FGF13: variants seen among roughly 807,000 people sequenced by gnomAD.
FGF13 encodes fibroblast growth factor 13.
FGF13 carries 2 observed loss-of-function variants against 19.5 expected under a neutral mutation model. That is an observed-to-expected ratio of 0.10 (90% CI 0.04 to 0.32). The LOEUF (loss-of-function observed/expected upper bound fraction) is 0.32, where lower values mean the gene tolerates loss of function less well. Among genes scored for constraint, FGF13 ranks in the 10% least tolerant of loss-of-function variants. FGF13 has a pLI of 1.00. For missense variants in FGF13, 113 were observed against 192.7 expected (o/e 0.59, Z 2.45); for synonymous variants, 72 against 76.9 (o/e 0.94, Z 0.33).
intron 3 of FGF13, among the ~76,000 whole-genome samples, chrX:138,849,412 T>C (rs1387873514): frequency 2.7e-5 from 3 of 112,242 alleles, no homozygotes; most frequent in Non-Finnish European, 5.6e-5. Flanking sequence ...CTGATAACTA[T>C]GTAAGAATCT....
chrX:138,970,119 C>T (rs1021067339), intron 1 of FGF13, among the ~76,000 whole-genome samples: 11 of 111,504 alleles, frequency 9.9e-5, no homozygotes, highest in Admixed American at 4.8e-4. Flanking sequence ...ACATCCACCA[C>T]GCCTATTTAT....
rs151139579 is a variant in FGF13, at chrX:139,197,885, T to A, written c.-113+5531A>T. Among the ~76,000 whole-genome samples, 972 of 103,045 alleles carry A rather than the reference T, an allele frequency of 9.4e-3. 6 individuals are homozygous for A. The highest frequency in any genetic ancestry group is 0.016 in the South Asian group (36 of 2,213). The allele number at this position is 103,045 out of a possible 115,157, so 89.5% of individuals were successfully genotyped here. A position where few individuals can be genotyped will look rare whatever the true frequency, so the allele number is the denominator to read the frequency against. On this transcript the variant is annotated intron_variant, in intron 1 of 2. Coordinates refer to the FGF13 transcript ENST00000421460. The stretch of plus-strand genomic sequence containing the variant: ...GGCGTGTGCCTGTAATCCCAGCTAC[T>A]AGGAAGGCTGGGGCAGGAGAATCAC...
chrX:138,815,387 G>A (rs781458160), intron 3 of FGF13, among the ~76,000 whole-genome samples: 20 of 110,903 alleles, frequency 1.8e-4, no homozygotes, highest in South Asian at 3.8e-4. Context: ...TTAGCTTGAC[G>A]TAATCATTTC....
intron 1 of FGF13, among the ~76,000 whole-genome samples, chrX:139,049,227 A>AG (rs1250533618): frequency 1.4e-4 from 16 of 110,900 alleles, no homozygotes; most frequent in African/African-American, 4.9e-4. Context: ...GGGTAGTGGC[A>AG]GGGGGAGGTA....
At chrX:138,650,569 CACT>C (rs1166585104) in intron 3 of FGF13, among the ~76,000 whole-genome samples, 2 of 111,446 alleles carry the variant, frequency 1.8e-5, no homozygotes, top group South Asian at 7.6e-4. Context: ...ATAAACAATA[CACT>C]ACATTCTATG....
At chrX:138,703,809 G>A (rs1322712936) in intron 2 of FGF13, among the ~76,000 whole-genome samples, 6 of 112,160 alleles carry the variant, frequency 5.3e-5, no homozygotes, top group Non-Finnish European at 9.4e-5. Flanking sequence ...CCACCTCCTG[G>A]GTTCAAGTGA....
intron 1 of FGF13, among the ~76,000 whole-genome samples, chrX:139,191,303 G>A (rs184962790): frequency 8.9e-6 from 1 of 112,499 alleles, no homozygotes; most frequent in Non-Finnish European, 1.9e-5. Flanking sequence ...CTTGTTTGGA[G>A]ACAATGGCCT....
intron 1 of FGF13, among the ~76,000 whole-genome samples, chrX:138,737,796 G>A (rs768997998): frequency 1.8e-5 from 2 of 112,156 alleles, no homozygotes; most frequent in Non-Finnish European, 3.8e-5. Flanking sequence ...TGTATCCTGA[G>A]TAAAGAGGCA....
At chrX:138,734,113 T>C (rs922935401) in intron 1 of FGF13, among the ~76,000 whole-genome samples, 12 of 111,754 alleles carry the variant, frequency 1.1e-4, no homozygotes, top group African/African-American at 3.9e-4. Flanking sequence ...GCACAGTGCC[T>C]GGACTATTAT....
intron 3 of FGF13, among the ~76,000 whole-genome samples, chrX:138,765,929 G>A (rs745481417): frequency 3.6e-5 from 4 of 111,448 alleles, no homozygotes; most frequent in African/African-American, 1.3e-4. Context: ...TTCCTCTGCT[G>A]GGAGTGAAGC....
At position 138,874,155 on chromosome X, in the gene FGF13, A is replaced by AATAT. The variant is rs746792067; in HGVS notation, c.-112-9509_-112-9506dup. On this transcript the variant is annotated intron_variant, in intron 1 of 2. Coordinates refer to the FGF13 transcript ENST00000421460. ...ATACCCTAGAACTTAAAGTATAATA[A>AATAT]ATATATATATATATATATATAAAGT... Among the ~76,000 whole-genome samples the AATAT allele has an allele frequency of 3.7e-3, 359 of 98,140 alleles. 2 individuals carry two copies. The highest frequency in any genetic ancestry group is 0.011 in the African/African-American group (293 of 26,442). The allele number at this position is 98,140 out of a possible 115,157, so 85.2% of individuals were successfully genotyped here.
At chrX:138,820,042 C>T (rs921359368) in intron 3 of FGF13, among the ~76,000 whole-genome samples, 1 of 111,482 alleles carries the variant, frequency 9.0e-6, no homozygotes, top group Non-Finnish European at 1.9e-5. Flanking sequence ...AATCCATTTG[C>T]ATCCTTGAGA....
intron 1 of FGF13, among the ~76,000 whole-genome samples, chrX:138,883,371 C>G (rs1007404868): frequency 1.8e-5 from 2 of 111,412 alleles, no homozygotes; most frequent in African/African-American, 6.5e-5. Flanking sequence ...GTGATCCTAC[C>G]TCATAAAAGA....
chrX:138,698,202 T>A (rs1310053112), intron 3 of FGF13, among the ~76,000 whole-genome samples: 2 of 110,697 alleles, frequency 1.8e-5, no homozygotes, highest in Non-Finnish European at 3.8e-5. Flanking sequence ...CTGAGATTAA[T>A]CATGGAAAGT....
intron 3 of FGF13, among the ~76,000 whole-genome samples, chrX:138,838,462 T>G (rs1455386334): frequency 9.0e-6 from 1 of 111,451 alleles, no homozygotes; most frequent in Non-Finnish European, 1.9e-5. Context: ...GACCTGAGGG[T>G]TGCAAAGATC....
At chrX:138,857,640 ATAATG>A in exon 3 of FGF13, 1 of 1,207,983 alleles carries the variant, frequency 8.3e-7, no homozygotes, top group Non-Finnish European at 1.1e-6. Context: ...TTGTCGTAAC[ATAATG>A]TATTCCTGTG....
At chrX:138,851,578 A>C (rs941459940) in intron 3 of FGF13, among the ~76,000 whole-genome samples, 1 of 111,691 alleles carries the variant, frequency 9.0e-6, no homozygotes, top group African/African-American at 3.3e-5. Flanking sequence ...CAAAATAATA[A>C]GAGCCATTTA....
At chrX:138,781,813 C>A (rs978383811) in intron 3 of FGF13, among the ~76,000 whole-genome samples, 2 of 111,836 alleles carry the variant, frequency 1.8e-5, no homozygotes, top group African/African-American at 6.5e-5. Context: ...TTTTACGAGG[C>A]CAGCATCACT....
intron 3 of FGF13, among the ~76,000 whole-genome samples, chrX:138,794,778 G>C (rs1179052955): frequency 1.8e-5 from 2 of 111,856 alleles, no homozygotes; most frequent in Non-Finnish European, 3.8e-5. Context: ...GCTTTTAACA[G>C]TCTCTATCAC....
Sources: allele counts gnomAD v4.1 joint callset (sites outside exome capture counted in the v4.1 genomes callset), GRCh38; gene constraint gnomAD v4.1.1; transcripts MANE v1.5; gene names NCBI Gene and HGNC (gene_info 2026-07-23, HGNC 2026-07-21).